The following MREG variants were observed in gnomAD, a reference collection of about 807,000 sequenced individuals.
MREG encodes the protein melanoregulin.
MREG carries 31 observed loss-of-function variants against 28.5 expected under a neutral mutation model. The ratio of observed to expected loss-of-function variants is 1.09; its 90% CI spans 0.82 to 1.47. The LOEUF is 1.47. MREG is among the 40% of genes most tolerant of loss of function. MREG has a pLI of 0.00. For synonymous variants in MREG, 106 were observed against 95.2 expected, an observed-to-expected ratio of 1.11 and a Z score of -0.66; for missense variants, 256 against 257.4, an observed-to-expected ratio of 0.99 and a Z score of 0.04.
chr2:215,944,918 G>A lies in MREG; in HGVS notation c.590C>T (p.Pro197Leu). The change falls in exon 5 of 5, where the codon CCA (proline) becomes CTA (leucine). Residue 197 changes from proline to leucine, a missense_variant. Pro to Leu is a moderately conservative substitution (Grantham distance 98). Coordinates refer to ENST00000263268, the MANE Select transcript of MREG (RefSeq NM_018000.3). ...TTCTTTCTGGCCATCTGCCAGGCAT[G>A]GAACCCCAGGCTTCTTGGGGTAAGT... is the stretch of plus-strand genomic sequence containing the variant. The part of the protein sequence containing the change: ...RRTYPKKPGV[P>L]CLADGQKELH... 6.2e-7 allele frequency: 1 copy of A among 1,608,684 alleles called. No homozygotes were observed.
At chr2:215,992,785 G>C (rs774629464) in intron 2 of MREG, among the ~76,000 whole-genome samples, 25 of 152,154 alleles carry the variant, frequency 1.6e-4, no homozygotes, top group Admixed American at 3.9e-4. Context: ...TAAACAGAGA[G>C]CCAAATCATA....
At chr2:216,007,605 T>C (rs1433696088) in intron 1 of MREG, among the ~76,000 whole-genome samples, 1 of 151,970 alleles carries the variant, frequency 6.6e-6, no homozygotes, top group African/African-American at 2.4e-5. Context: ...AATTTTTGTA[T>C]TTTTAGTAGA....
chr2:216,030,570 G>T (rs1694664067), intron 1 of MREG, among the ~76,000 whole-genome samples: 1 of 151,752 alleles, frequency 6.6e-6, no homozygotes, highest in Non-Finnish European at 1.5e-5. Flanking sequence ...TTGAGACGGG[G>T]TCTCGCCCTG....
chr2:215,961,555 A>G (rs546375858), intron 2 of MREG, among the ~76,000 whole-genome samples: 5 of 152,036 alleles, frequency 3.3e-5, no homozygotes, highest in African/African-American at 1.2e-4. Flanking sequence ...CCTCCCTAGT[A>G]GCTGAGATTA....
chr2:215,990,345 C>CTGAGAGAT (rs1693690021), intron 2 of MREG, among the ~76,000 whole-genome samples: 5 of 152,178 alleles, frequency 3.3e-5, no homozygotes, highest in Non-Finnish European at 7.3e-5. Flanking sequence ...CAAGCAAATA[C>CTGAGAGAT]TGAGAGATTT....
rs1694364650 is a variant in MREG, at chr2:216,013,301, G to A, written c.27C>T (p.Thr9=). 1 of 1,549,530 alleles carries A rather than the reference G, an allele frequency of 6.5e-7. No homozygotes were observed. Among genetic ancestry groups the A allele is most frequent in the Non-Finnish European group, 8.7e-7 (1 of 1,146,610 alleles). MGLRDWLR[T]VCCCCGCECL... ...ACTCGCACCCGCAGCAGCAGCACAC[G>A]GTTCTCAGCCAGTCCCTCAGCCCCA... The change falls in exon 1 of 5, where the codon ACC becomes ACT. Residue 9 remains threonine (T), a synonymous_variant. Coordinates refer to ENST00000263268, the MANE Select transcript of MREG (RefSeq NM_018000.3).
intron 2 of MREG, among the ~76,000 whole-genome samples, chr2:215,977,154 A>G (rs1693284298): frequency 6.6e-6 from 1 of 152,232 alleles, no homozygotes; most frequent in Non-Finnish European, 1.5e-5. Flanking sequence ...GCAGAGACAC[A>G]CATAGGCTCA....
At chr2:215,995,511 C>CCCCCCCCCCCCCCCG (rs146414052) in intron 2 of MREG, among the ~76,000 whole-genome samples, 31 of 136,132 alleles carry the variant, frequency 2.3e-4, no homozygotes, top group Non-Finnish European at 3.4e-4. Flanking sequence ...CCCACCCCAC[C>CCCCCCCCCCCCCCCG]CCCCGCCACC....
chr2:216,019,900 T>C (rs1330831153), intron 1 of MREG, among the ~76,000 whole-genome samples: 1 of 152,184 alleles, frequency 6.6e-6, no homozygotes, highest in Non-Finnish European at 1.5e-5. Context: ...TTGCTTATTC[T>C]TCAGTTCCAA....
chr2:216,011,095 C>CAAAA (rs35487752), intron 1 of MREG, among the ~76,000 whole-genome samples: 21 of 106,726 alleles, frequency 2.0e-4, no homozygotes, highest in African/African-American at 5.9e-4. Flanking sequence ...GACTCCGTCT[C>CAAAA]AAAAAAAAAA....
intron 2 of MREG, among the ~76,000 whole-genome samples, chr2:215,956,753 T>C (rs1306574417): frequency 6.6e-6 from 1 of 152,176 alleles, no homozygotes; most frequent in Admixed American, 6.5e-5. Context: ...TTACCCAGGC[T>C]AGTCTCAAAC....
intron 2 of MREG, among the ~76,000 whole-genome samples, chr2:215,979,837 G>A (rs1213955263): frequency 6.6e-6 from 1 of 151,796 alleles, no homozygotes; most frequent in Non-Finnish European, 1.5e-5. Context: ...CTGGAGGCTT[G>A]ACTTGGTATT....
intron 1 of MREG, among the ~76,000 whole-genome samples, chr2:216,010,167 A>T (rs1020878531): frequency 6.6e-6 from 1 of 152,128 alleles, no homozygotes; most frequent in Non-Finnish European, 1.5e-5. Context: ...CAGAGGAGAG[A>T]CACATCAAAG....
At chr2:216,023,193 CAAA>C (rs1428558462) in intron 1 of MREG, among the ~76,000 whole-genome samples, 1 of 152,216 alleles carries the variant, frequency 6.6e-6, no homozygotes, top group African/African-American at 2.4e-5. Flanking sequence ...GACTTCCCCA[CAAA>C]GGTTATATAC....
At chr2:216,024,264 C>T (rs1235120984) in intron 1 of MREG, among the ~76,000 whole-genome samples, 4 of 152,136 alleles carry the variant, frequency 2.6e-5, no homozygotes, top group Admixed American at 2.6e-4. Flanking sequence ...TGGCCAGGCA[C>T]GGTAGCTCAG....
intron 2 of MREG, among the ~76,000 whole-genome samples, chr2:215,978,083 T>C (rs1032756367): frequency 4.6e-5 from 7 of 152,044 alleles, no homozygotes; most frequent in Non-Finnish European, 8.8e-5. Flanking sequence ...AAAAAATCAA[T>C]GAATCCAGGA....
At chr2:215,999,637 G>C (rs1033139825) in intron 1 of MREG, among the ~76,000 whole-genome samples, 1 of 152,218 alleles carries the variant, frequency 6.6e-6, no homozygotes, top group African/African-American at 2.4e-5. Flanking sequence ...TTATGATTGA[G>C]ATAAAAGTAA....
rs190440466 is a variant in MREG, at chr2:215,981,211, T to C, written c.255+15095A>G. Among the ~76,000 whole-genome samples, 516 of 152,320 alleles carry C rather than the reference T, an allele frequency of 3.4e-3. 1 individual carries two copies. Among genetic ancestry groups the C allele is most frequent in the African/African-American group, 0.012 (488 of 41,572 alleles). Reference sequence around the variant, plus strand: ...CAAGCAGATATTTGTACACCCGTGTTTGCAACAGCATTACTCACAAGAGCC... The same window carrying C: ...CAAGCAGATATTTGTACACCCGTGTCTGCAACAGCATTACTCACAAGAGCC... On this transcript the variant is annotated intron_variant, in intron 2 of 4. Coordinates refer to ENST00000263268, the MANE Select transcript of MREG (RefSeq NM_018000.3).
intron 2 of MREG, among the ~76,000 whole-genome samples, chr2:215,953,772 A>T (rs1169915299): frequency 6.6e-6 from 1 of 152,220 alleles, no homozygotes; most frequent in Non-Finnish European, 1.5e-5. Context: ...TTGGGTTTAA[A>T]CAACTGGAGT....
Sources: gnomAD v4.1 joint callset for allele counts (sites outside exome capture counted in the v4.1 genomes callset) on GRCh38, gnomAD v4.1.1 for gene constraint, MANE v1.5 for transcripts, NCBI Gene and HGNC (gene_info 2026-07-23, HGNC 2026-07-21) for gene names.